The following CALM3 variants were observed in gnomAD, a reference collection of about 807,000 sequenced individuals.
CALM3 encodes calmodulin 3.
In CALM3, 5 loss-of-function variants were observed where a neutral mutation model predicts 20.1. The ratio of observed to expected loss-of-function variants is 0.25; its 90% CI spans 0.13 to 0.52. The LOEUF (loss-of-function observed/expected upper bound fraction) is 0.52. Among genes scored for constraint, CALM3 ranks in the 20% least tolerant of loss-of-function variants. CALM3 has a pLI of 0.96. For synonymous variants in CALM3, 69 were observed against 68.1 expected (o/e 1.01, Z -0.06); for missense variants, 57 against 192.8 (o/e 0.30, Z 4.17).
rs532047125 is a variant in CALM3, at chr19:46,609,781, A to C, written c.*628A>C. 2 of 153,424 alleles carry C rather than the reference A, an allele frequency of 1.3e-5. No homozygotes were observed. Among genetic ancestry groups the C allele is most frequent in the Non-Finnish European group, 2.9e-5 (2 of 68,692 alleles). The allele number at this position is 153,424 out of a possible 1,614,324, so 9.5% of individuals were successfully genotyped here. ...GGCCAACTCACAGAAGGGGACTGAC[A>C]GTGGGCAACACTCACATCCCACTGG... On this transcript the variant is annotated 3_prime_UTR_variant, in exon 6 of 6. Coordinates refer to ENST00000291295, the MANE Select transcript of CALM3 (RefSeq NM_005184.4).
chr19:46,609,091 G>A (rs371974172), intron 5 of CALM3, 34 bp from the exon 6 acceptor site: 23 of 1,613,864 alleles, frequency 1.4e-5, no homozygotes, highest in South Asian at 3.3e-5. Flanking sequence ...TAGCCTGCCC[G>A]CCTGACCTCC....
chr19:46,605,498 T>A lies in CALM3; in HGVS notation c.4-329T>A, dbSNP rs529957630. Among the ~76,000 whole-genome samples the A allele has an allele frequency of 6.6e-6, 1 of 152,354 alleles. No homozygotes were observed. The highest frequency in any genetic ancestry group is 2.4e-5 in the African/African-American group (1 of 41,588). Reference sequence around the variant, plus strand: ...CCAGGCCTCACCAGCGCTGCTGGTTTGGGGCTGGGGCAGGCTTTTCTCCCG... The same window carrying A: ...CCAGGCCTCACCAGCGCTGCTGGTTAGGGGCTGGGGCAGGCTTTTCTCCCG... On this transcript the variant is annotated intron_variant, in intron 1 of 5. Transcript: ENST00000291295. This position sits in a 1 kb window ranked among gnomAD's most constrained non-coding sequence, Gnocchi z 4.1.
Position 46,609,956 on chromosome 19 carries a change from CCCT to C in CALM3, c.*808_*810del, listed in dbSNP as rs1971839881. The C allele has an allele frequency of 1.3e-5, 2 of 152,748 alleles. No homozygotes were observed. The highest frequency in any genetic ancestry group is 2.9e-5 in the Non-Finnish European group (2 of 68,136). The allele number at this position is 152,748 out of a possible 1,614,324, so 9.5% of individuals were successfully genotyped here. On this transcript the variant is annotated 3_prime_UTR_variant, in exon 6 of 6. Coordinates refer to ENST00000291295, the MANE Select transcript of CALM3 (RefSeq NM_005184.4). Reference sequence around the variant, plus strand: ...CCTGGTGCTAACATCCCATGCCGCTCCCTCCTCACGATGCACCCACCGCCCTGA... The same window carrying C: ...CCTGGTGCTAACATCCCATGCCGCTCCCTCACGATGCACCCACCGCCCTGA...
intron 1 of CALM3, among the ~76,000 whole-genome samples, chr19:46,604,049 C>T (rs1020028547): frequency 5.3e-5 from 8 of 152,206 alleles, no homozygotes; most frequent in African/African-American, 1.7e-4. Flanking sequence ...TGACCTGGCT[C>T]GCTTTTTCCA....
At chr19:46,607,827 C>G (rs1412518331) in intron 2 of CALM3, 1 of 171,858 alleles carries the variant, frequency 5.8e-6, no homozygotes, top group East Asian at 1.7e-4. Context: ...TTTCGGCTCT[C>G]ATTCACTCCA....
chr19:46,601,464 G>T lies in CALM3; in HGVS notation c.3+27G>T. The T allele has an allele frequency of 6.7e-7, 1 of 1,489,000 alleles. No homozygotes were observed. Among genetic ancestry groups the T allele is most frequent in the Non-Finnish European group, 8.9e-7 (1 of 1,119,176 alleles). 92.2% of individuals were successfully genotyped at this position (1,489,000 alleles called of 1,614,324 possible). On this transcript the variant is annotated intron_variant, in intron 1 of 5. Coordinates refer to ENST00000291295, the MANE Select transcript of CALM3 (RefSeq NM_005184.4). This position sits in a 1 kb window ranked among gnomAD's most constrained non-coding sequence, Gnocchi z 4.2. ...TGAGTGAGGCTGGGGGGTCGCCGAG[G>T]CTGCGGGCTCTGAGGCGGGCTTAAC... is the stretch of plus-strand genomic sequence containing the variant.
intron 2 of CALM3, among the ~76,000 whole-genome samples, chr19:46,607,249 C>A (rs948252117): frequency 6.6e-6 from 1 of 152,194 alleles, no homozygotes; most frequent in African/African-American, 2.4e-5. Flanking sequence ...AGCTTCCCAG[C>A]TGTGCATGTC....
In CALM3 at chr19:46,605,709, C is replaced by A; in HGVS notation, c.4-118C>A. The A allele has an allele frequency of 1.1e-6, 1 of 925,144 alleles. No individual in the cohort carries two copies. The highest frequency in any genetic ancestry group is 1.8e-6 in the Non-Finnish European group (1 of 571,092). 57.3% of individuals were successfully genotyped at this position (925,144 alleles called of 1,614,324 possible). ...CTGACTCTGGCATGCTCCTCCCTGG[C>A]CCGGCGGGAATGGCACGTGGAGCTG... On this transcript the variant is annotated intron_variant, in intron 1 of 5. Coordinates refer to ENST00000291295, the MANE Select transcript of CALM3 (RefSeq NM_005184.4). The surrounding 1 kb of genome is among the most constrained non-coding windows in gnomAD (Gnocchi z 4.1).
chr19:46,608,648 G>A lies in CALM3; in HGVS notation c.285+60G>A, dbSNP rs1201256929. The A allele has an allele frequency of 9.7e-6, 14 of 1,442,748 alleles. No homozygotes were observed. Among genetic ancestry groups the A allele is most frequent in the African/African-American group, 4.2e-5 (3 of 71,324 alleles). The allele number at this position is 1,442,748 out of a possible 1,614,324, so 89.4% of individuals were successfully genotyped here. ...GACGCCAGCCTTCAGGCAGACAGGC[G>A]GAACTGGAGCCACGGAGCTACCACT... On this transcript the variant is annotated intron_variant, in intron 4 of 5. Coordinates refer to ENST00000291295, the MANE Select transcript of CALM3 (RefSeq NM_005184.4). This position sits in a 1 kb window ranked among gnomAD's most constrained non-coding sequence, Gnocchi z 5.5.
In CALM3 at chr19:46,609,173, C is replaced by A. The variant is rs767653657; in HGVS notation, c.*20C>A. 34 of 1,612,510 alleles carry A rather than the reference C, an allele frequency of 2.1e-5. No individual in the cohort carries two copies. Among genetic ancestry groups the A allele is most frequent in the Admixed American group, 5.0e-5 (3 of 59,958 alleles). On this transcript the variant is annotated 3_prime_UTR_variant, in exon 6 of 6. Transcript: ENST00000291295. ...AAGTGAAGGCCCCCCGGGCAGCTGG[C>A]GATGCCCGTTCTCTTGATCTCTCTC...
intron 5 of CALM3, 47 bp from the exon 6 acceptor site, chr19:46,609,078 A>T: frequency 6.2e-7 from 1 of 1,613,864 alleles, no homozygotes; most frequent in African/African-American, 1.3e-5. Flanking sequence ...GCCGCTCGCC[A>T]CTTAGCCTGC....
Position 46,609,248 on chromosome 19 carries a change from T to C in CALM3, c.*95T>C, listed in dbSNP as rs1273528784. 1 of 1,096,842 alleles carries C rather than the reference T, an allele frequency of 9.1e-7. No individual in the cohort carries two copies. Among genetic ancestry groups the C allele is most frequent in the Non-Finnish European group, 1.4e-6 (1 of 730,538 alleles). The allele number at this position is 1,096,842 out of a possible 1,614,324, so 67.9% of individuals were successfully genotyped here. A position where few individuals can be genotyped will look rare whatever the true frequency, so the allele number is the denominator to read the frequency against. ...AACACTCCCCTGCGTACCCCGGTTCTAGCAAACACCAATTGATTGACTGAG... is the reference window on the plus strand; with the variant it reads ...AACACTCCCCTGCGTACCCCGGTTCCAGCAAACACCAATTGATTGACTGAG... On this transcript the variant is annotated 3_prime_UTR_variant, in exon 6 of 6. Coordinates refer to ENST00000291295, the MANE Select transcript of CALM3 (RefSeq NM_005184.4).
At chr19:46,602,031 G>A in intron 1 of CALM3, 1 of 1,163,508 alleles carries the variant, frequency 8.6e-7, no homozygotes, top group Non-Finnish European at 1.1e-6. Flanking sequence ...AGACTCCCGA[G>A]GGTGGGGGAG....
intron 2 of CALM3, among the ~76,000 whole-genome samples, chr19:46,607,403 T>G (rs1971764414): frequency 6.6e-6 from 1 of 152,118 alleles, no homozygotes; most frequent in Non-Finnish European, 1.5e-5. Context: ...GGACATCTGT[T>G]TTTGGAGGGC....
In CALM3 at chr19:46,609,605, T is replaced by TTGC. The variant is rs1971828720; in HGVS notation, c.*453_*455dup. The TTGC allele has an allele frequency of 5.8e-6, 1 of 173,474 alleles. No homozygotes were observed. The highest frequency in any genetic ancestry group is 1.3e-4 in the South Asian group (1 of 7,572). 10.7% of individuals were successfully genotyped at this position (173,474 alleles called of 1,614,324 possible). A position where few individuals can be genotyped will look rare whatever the true frequency, so the allele number is the denominator to read the frequency against. On this transcript the variant is annotated 3_prime_UTR_variant, in exon 6 of 6. Coordinates refer to ENST00000291295, the MANE Select transcript of CALM3 (RefSeq NM_005184.4). ...TCCCCCAGGCAGAAGAGCATGCCCT[T>TTGC]TGCCGTTGCATGCAACCAGCCCTGT... is the stretch of plus-strand genomic sequence containing the variant.
At chr19:46,607,874 C>A (rs1441046185) in intron 2 of CALM3, 3 of 232,150 alleles carry the variant, frequency 1.3e-5, no homozygotes, top group Non-Finnish European at 2.5e-5. Flanking sequence ...AGGGAGAAGT[C>A]AAAGCCAGGG....
At position 46,608,569 on chromosome 19, in the gene CALM3, C is replaced by A; in HGVS notation, c.266C>A (p.Ala89Glu). Residue 89 changes from alanine (A) to glutamate (E), a missense_variant, in exon 4 of 6, where the codon GCG (alanine) becomes GAG (glutamate). Physicochemically the swap from Ala to Glu is moderately radical, Grantham distance 107 (BLOSUM62 -1). Transcript: ENST00000291295. This position sits in a 1 kb window ranked among gnomAD's most constrained non-coding sequence, Gnocchi z 5.5. Reference sequence around the variant, plus strand: ...GACAGTGAGGAGGAGATCCGAGAGGCGTTCCGTGTCTTTGACAAGGTAAGC... The same window carrying A: ...GACAGTGAGGAGGAGATCCGAGAGGAGTTCCGTGTCTTTGACAAGGTAAGC... ...DTDSEEEIREAFRVFDKDGNG... is the reference protein window; with the variant it reads ...DTDSEEEIREEFRVFDKDGNG... The A allele has an allele frequency of 6.2e-7, 1 of 1,613,452 alleles. No homozygotes were observed. The highest frequency in any genetic ancestry group is 1.3e-5 in the African/African-American group (1 of 75,032).
In CALM3 at chr19:46,605,885, C is replaced by T; in HGVS notation, c.34+28C>T. On this transcript the variant is annotated intron_variant, in intron 2 of 5. Transcript: ENST00000291295. This position sits in a 1 kb window ranked among gnomAD's most constrained non-coding sequence, Gnocchi z 4.1. ...GAGTCTGCTATCCCCCTCATCTTAG[C>T]TCAGGAAAGCCTCCACATCCCCAGC... 6.2e-7 allele frequency: 1 copy of T among 1,612,108 alleles called. No individual in the cohort carries two copies. Among genetic ancestry groups the T allele is most frequent in the Non-Finnish European group, 8.5e-7 (1 of 1,178,230 alleles).
Position 46,605,712 on chromosome 19 carries a change from G to C in CALM3, c.4-115G>C. ...ACTCTGGCATGCTCCTCCCTGGCCC[G>C]GCGGGAATGGCACGTGGAGCTGGCC... On this transcript the variant is annotated intron_variant, in intron 1 of 5. Transcript: ENST00000291295. This position sits in a 1 kb window ranked among gnomAD's most constrained non-coding sequence, Gnocchi z 4.1. The C allele has an allele frequency of 1.0e-6, 1 of 957,520 alleles. No homozygotes were observed. The allele number at this position is 957,520 out of a possible 1,614,324, so 59.3% of individuals were successfully genotyped here. A position where few individuals can be genotyped will look rare whatever the true frequency, so the allele number is the denominator to read the frequency against.
Sources: gnomAD v4.1 joint callset for allele counts (sites outside exome capture counted in the v4.1 genomes callset) on GRCh38, gnomAD v4.1.1 for gene constraint, Gnocchi (gnomAD v3.1) non-coding constraint, MANE v1.5 for transcripts, NCBI Gene and HGNC (gene_info 2026-07-23, HGNC 2026-07-21) for gene names.